The following CARD8 variants were observed in gnomAD, a reference collection of about 807,000 sequenced individuals.
CARD8 encodes caspase recruitment domain family member 8.
A neutral mutation model predicts 53.2 loss-of-function variants in CARD8; 38 were observed. The ratio of observed to expected loss-of-function variants is 0.71; its 90% CI spans 0.55 to 0.94. The LOEUF is 0.94. CARD8 is among the 40% of genes least tolerant of loss of function. CARD8 has a pLI of 0.00. For missense variants in CARD8, 561 were observed against 655.5 expected, an observed-to-expected ratio of 0.86 and a Z score of 1.57; for synonymous variants, 245 against 244.9, an observed-to-expected ratio of 1.00 and a Z score of 0.00.
intron 10 of CARD8, among the ~76,000 whole-genome samples, chr19:48,229,428 C>T (rs2042419347): frequency 6.6e-6 from 1 of 152,174 alleles, no homozygotes; most frequent in South Asian, 2.1e-4. Flanking sequence ...ATTTCTGGCC[C>T]ACTCTAGGAA....
At chr19:48,204,163 G>A, downstream of CARD8, 1 of 455,712 alleles carries the variant, frequency 2.2e-6, no homozygotes, top group Non-Finnish European at 4.4e-6. Flanking sequence ...GCGGACGCGG[G>A]AAACCTGCTT....
chr19:48,240,168 G>A (rs2044703525), intron 4 of CARD8, among the ~76,000 whole-genome samples: 1 of 152,182 alleles, frequency 6.6e-6, no homozygotes, highest in African/African-American at 2.4e-5. Flanking sequence ...TGAGTTCCAA[G>A]ACAATGTAAA....
intron 12 of CARD8, among the ~76,000 whole-genome samples, chr19:48,215,789 C>G (rs568348944): frequency 1.3e-5 from 2 of 152,020 alleles, no homozygotes; most frequent in African/African-American, 4.8e-5. Context: ...ATTTGGGTAC[C>G]CTTATAAGTT....
intron 1 of CARD8, among the ~76,000 whole-genome samples, chr19:48,254,838 A>G (rs7254361): frequency 0.23 from 35,096 of 152,104 alleles, 4,168 homozygotes; most frequent in Middle Eastern, 0.33. Flanking sequence ...CCACAACCTT[A>G]CATAAAGGTC....
At chr19:48,207,165 C>A (rs1404852173), downstream of CARD8, among the ~76,000 whole-genome samples, 479 of 81,610 alleles carry the variant, frequency 5.9e-3, no homozygotes, top group Admixed American at 6.8e-3. Flanking sequence ...GACTCTGTCT[C>A]AAAAAAAAAA....
chr19:48,204,626 A>G (rs2037276068), downstream of CARD8, among the ~76,000 whole-genome samples: 1 of 152,174 alleles, frequency 6.6e-6, no homozygotes, highest in Non-Finnish European at 1.5e-5. Flanking sequence ...ACTGGTAAAC[A>G]GGACAGATGT....
At chr19:48,241,300 G>T (rs371761094) in intron 3 of CARD8, among the ~76,000 whole-genome samples, 2 of 152,218 alleles carry the variant, frequency 1.3e-5, no homozygotes, top group East Asian at 3.9e-4. Flanking sequence ...CTGTCACCCA[G>T]GCTGGAGTGC....
downstream of CARD8, chr19:48,204,145 G>A (rs2037254781): frequency 8.8e-6 from 4 of 455,270 alleles, no homozygotes; most frequent in South Asian, 6.2e-5. Context: ...CAGTCTCTGG[G>A]TGAGGAGGCG....
chr19:48,248,163 G>A (rs1039654028), intron 3 of CARD8, among the ~76,000 whole-genome samples: 2 of 152,040 alleles, frequency 1.3e-5, no homozygotes, highest in Non-Finnish European at 1.5e-5. Context: ...TAAAATTCTT[G>A]TATAGTATTT....
Position 48,232,452 on chromosome 19 carries a change from C to T in CARD8, c.391+1G>A. On this transcript the variant is annotated splice_donor_variant, in intron 7 of 13. Coordinates refer to ENST00000651546, the MANE Select transcript of CARD8 (RefSeq NM_001184900.3). LOFTEE classifies it high-confidence loss of function. Reference sequence around the variant, plus strand: ...CACTCCTCTCCCTATTAGCCCATTACCTGAATCTTGTCCCTCTGAAGATTC... The same window carrying T: ...CACTCCTCTCCCTATTAGCCCATTATCTGAATCTTGTCCCTCTGAAGATTC... The T allele has an allele frequency of 6.5e-7, 1 of 1,535,690 alleles. No homozygotes were observed.
chr19:48,209,829 G>A lies in CARD8; in HGVS notation c.*1881C>T, dbSNP rs1368660547. On this transcript the variant is annotated 3_prime_UTR_variant, in exon 14 of 14. Coordinates refer to ENST00000651546, the MANE Select transcript of CARD8 (RefSeq NM_001184900.3). ...AATTTTACAGTAGAAGACATGAGAA[G>A]GATATAAAAGTTTGTTTTCTGTATT... 1 of 152,340 alleles carries A rather than the reference G, an allele frequency of 6.6e-6. No homozygotes were observed. The highest frequency in any genetic ancestry group is 1.9e-4 in the East Asian group (1 of 5,324). 9.4% of individuals were successfully genotyped at this position (152,340 alleles called of 1,614,324 possible). A position where few individuals can be genotyped will look rare whatever the true frequency, so the allele number is the denominator to read the frequency against.
chr19:48,239,184 G>A (rs778895293), intron 4 of CARD8, among the ~76,000 whole-genome samples: 10 of 152,164 alleles, frequency 6.6e-5, no homozygotes, highest in Non-Finnish European at 1.0e-4. Context: ...TAGTGTGAGC[G>A]TGTCAGGGAT....
At chr19:48,250,734 C>T (rs1043644842) in intron 1 of CARD8, among the ~76,000 whole-genome samples, 2 of 152,148 alleles carry the variant, frequency 1.3e-5, no homozygotes, top group African/African-American at 4.8e-5. Context: ...AAGGATGTGG[C>T]TCTCAGGCTA....
downstream of CARD8, chr19:48,206,442 G>T: frequency 2.2e-6 from 1 of 459,226 alleles, no homozygotes; most frequent in South Asian, 1.5e-5. Flanking sequence ...AGGGATTTAG[G>T]GTAACCAAGG....
chr19:48,235,434 A>G (rs1249030290), intron 5 of CARD8, among the ~76,000 whole-genome samples: 1 of 152,208 alleles, frequency 6.6e-6, no homozygotes, highest in African/African-American at 2.4e-5. Flanking sequence ...CCACCATGTA[A>G]GACATGCCTT....
intron 3 of CARD8, among the ~76,000 whole-genome samples, chr19:48,246,482 TGG>T (rs1422972496): frequency 6.6e-6 from 1 of 152,184 alleles, no homozygotes; most frequent in Non-Finnish European, 1.5e-5. Flanking sequence ...TGGAAAGACC[TGG>T]GGAATCCATG....
At chr19:48,215,937 C>T (rs1451874275) in intron 12 of CARD8, among the ~76,000 whole-genome samples, 1 of 151,948 alleles carries the variant, frequency 6.6e-6, no homozygotes, top group Admixed American at 6.6e-5. Context: ...GCAACATGCC[C>T]CCCCCACCCC....
chr19:48,249,972 G>T (rs1221419814), intron 1 of CARD8, 125 bp from the exon 2 acceptor site: 1 of 145,598 alleles, frequency 6.9e-6, no homozygotes, highest in Non-Finnish European at 1.5e-5. Flanking sequence ...TTAAATTTAT[G>T]ACTTCAATGA....
intron 11 of CARD8, among the ~76,000 whole-genome samples, chr19:48,220,695 C>T (rs1404123042): frequency 2.6e-5 from 4 of 151,858 alleles, no homozygotes; most frequent in Admixed American, 6.6e-5. Flanking sequence ...GGGCAGATCA[C>T]GAGGTCAGGA....
Sources: allele counts gnomAD v4.1 joint callset (sites outside exome capture counted in the v4.1 genomes callset), GRCh38; gene constraint gnomAD v4.1.1; transcripts MANE v1.5; gene names NCBI Gene and HGNC (gene_info 2026-07-23, HGNC 2026-07-21).